SCN11A: variants seen among roughly 807,000 people sequenced by gnomAD.
The protein encoded by SCN11A is sodium voltage-gated channel alpha subunit 11.
SCN11A carries 122 observed loss-of-function variants against 162.2 expected under a neutral mutation model. That is an observed-to-expected ratio of 0.75 (90% CI 0.65 to 0.87). SCN11A has a LOEUF of 0.87. Ranked by LOEUF, SCN11A falls within the 40% of genes least tolerant of loss-of-function variation. The pLI is 0.00. For missense variants in SCN11A, 2,015 were observed against 2,181.6 expected, an observed-to-expected ratio of 0.92 and a Z score of 1.52; for synonymous variants, 758 against 751.5, an observed-to-expected ratio of 1.01 and a Z score of -0.14.
chr3:38,945,356 C>T (rs993205101), intron 7 of SCN11A, 55 bp downstream of exon 7: 63 of 1,120,148 alleles, frequency 5.6e-5, no homozygotes, highest in Non-Finnish European at 8.0e-5. Flanking sequence ...CATTAACTGT[C>T]TTAGGTATAT....
At chr3:38,909,936 A>G in intron 12 of SCN11A, 130 bp downstream of exon 12, 1 of 934,118 alleles carries the variant, frequency 1.1e-6, no homozygotes, top group Non-Finnish European at 1.6e-6. Flanking sequence ...GTTAAAGATG[A>G]GACAGATGAT....
At chr3:38,952,009 G>A (rs1003243077) in intron 4 of SCN11A, among the ~76,000 whole-genome samples, 2 of 152,076 alleles carry the variant, frequency 1.3e-5, no homozygotes, top group Non-Finnish European at 2.9e-5. Context: ...AATAAATCTT[G>A]CTACTGCTTA....
chr3:38,902,613 G>A (rs1415829105), intron 16 of SCN11A, among the ~76,000 whole-genome samples: 2 of 151,952 alleles, frequency 1.3e-5, no homozygotes, highest in African/African-American at 4.8e-5. Context: ...CGCCTCCCTG[G>A]TTCACACCAT....
chr3:39,026,993 G>A (rs2031605133), intron 2 of SCN11A, among the ~76,000 whole-genome samples: 1 of 152,178 alleles, frequency 6.6e-6, no homozygotes, highest in South Asian at 2.1e-4. Context: ...AAAGCCCCCA[G>A]GGGTAGGAGA....
intron 29 of SCN11A, among the ~76,000 whole-genome samples, chr3:38,848,875 T>C (rs2064722677): frequency 6.6e-6 from 1 of 152,208 alleles, no homozygotes; most frequent in South Asian, 2.1e-4. Flanking sequence ...CATTTTGCAT[T>C]TCTCCAAAAA....
intron 28 of SCN11A, among the ~76,000 whole-genome samples, chr3:38,858,898 T>A (rs1001241498): frequency 6.6e-6 from 1 of 152,052 alleles, no homozygotes; most frequent in African/African-American, 2.4e-5. Flanking sequence ...TACATGGAAA[T>A]TAAATAATCT....
chr3:39,044,922 T>TA (rs146431374), intron 1 of SCN11A, among the ~76,000 whole-genome samples: 15,739 of 151,226 alleles, frequency 0.1, 1,041 homozygotes, highest in East Asian at 0.22. Flanking sequence ...AGAGTAATTT[T>TA]AAAAAAAGAG....
At chr3:38,910,347 C>T (rs2065869943) in intron 11 of SCN11A, 140 bp from the exon 12 acceptor site, 1 of 701,072 alleles carries the variant, frequency 1.4e-6, no homozygotes, top group Non-Finnish European at 2.4e-6. Flanking sequence ...TAAAGTGGCC[C>T]ACTGCACTGT....
intron 1 of SCN11A, among the ~76,000 whole-genome samples, chr3:39,042,974 A>AAAAAAAAAAAAAAAAAAAAAAAAAAAAAG (rs56332636): frequency 9.6e-6 from 1 of 103,676 alleles, no homozygotes; most frequent in Non-Finnish European, 1.8e-5. Context: ...AAAAAAAAAA[A>AAAAAAAAAAAAAAAAAAAAAAAAAAAAAG]AAAAAGAAAA....
At chr3:39,024,298 A>G (rs1363166809) in intron 2 of SCN11A, among the ~76,000 whole-genome samples, 2 of 152,222 alleles carry the variant, frequency 1.3e-5, no homozygotes, top group Non-Finnish European at 2.9e-5. Flanking sequence ...GGGAAGCCCA[A>G]GAAGGCCTGT....
At chr3:38,867,895 C>T (rs1003086355) in intron 26 of SCN11A, among the ~76,000 whole-genome samples, 15 of 152,220 alleles carry the variant, frequency 9.9e-5, no homozygotes, top group African/African-American at 3.4e-4. Flanking sequence ...TACTATGACC[C>T]CCATATAGAG....
At chr3:38,944,396 G>C (rs937994973) in intron 7 of SCN11A, among the ~76,000 whole-genome samples, 6 of 151,442 alleles carry the variant, frequency 4.0e-5, no homozygotes, top group African/African-American at 1.2e-4. Flanking sequence ...TGGCTCACTG[G>C]GCTCACTGCA....
intron 7 of SCN11A, among the ~76,000 whole-genome samples, chr3:38,941,449 G>T (rs181238310): frequency 6.6e-6 from 1 of 151,978 alleles, no homozygotes; most frequent in Non-Finnish European, 1.5e-5. Flanking sequence ...AGATAACTTG[G>T]ATCTACAGGA....
intron 7 of SCN11A, among the ~76,000 whole-genome samples, chr3:38,938,542 A>G (rs1222398693): frequency 4.3e-5 from 1 of 23,170 alleles, no homozygotes; most frequent in African/African-American, 2.5e-4. Context: ...ATATATATAT[A>G]TATATATATT....
intron 28 of SCN11A, among the ~76,000 whole-genome samples, chr3:38,858,232 G>A (rs369131352): frequency 6.6e-6 from 1 of 152,086 alleles, no homozygotes; most frequent in Non-Finnish European, 1.5e-5. Flanking sequence ...ACATAGAATT[G>A]TAGAATGGAT....
At chr3:39,025,934 TA>T (rs1397904359) in intron 2 of SCN11A, 1 of 152,082 alleles carries the variant, frequency 6.6e-6, no homozygotes, top group African/African-American at 2.4e-5. Context: ...CCTAATGCAC[TA>T]AGTATTTTTA....
chr3:38,867,054 G>T (rs1015111722), intron 27 of SCN11A, among the ~76,000 whole-genome samples: 2 of 152,140 alleles, frequency 1.3e-5, no homozygotes, highest in African/African-American at 4.8e-5. Context: ...AGTTATTAAT[G>T]GGTTTCATCT....
At chr3:38,886,264 T>C in intron 19 of SCN11A, 26 bp from the exon 20 acceptor site, 2 of 1,459,230 alleles carry the variant, frequency 1.4e-6, no homozygotes, top group East Asian at 4.5e-5. Context: ...CAGAATAGAA[T>C]TAATATTCCT....
At chr3:39,017,701 G>A (rs4676660) in intron 2 of SCN11A, among the ~76,000 whole-genome samples, 104,712 of 152,084 alleles carry the variant, frequency 0.69, 37,648 homozygotes, top group African/African-American at 0.92. Context: ...TTTTCATGTA[G>A]AAGTTCTATG....
Sources: allele counts gnomAD v4.1 joint callset (sites outside exome capture counted in the v4.1 genomes callset), GRCh38; gene constraint gnomAD v4.1.1; transcripts MANE v1.5; gene names NCBI Gene and HGNC (gene_info 2026-07-23, HGNC 2026-07-21).